The following PRKACA variants were observed in gnomAD, a reference collection of about 807,000 sequenced individuals.
PRKACA encodes the protein cAMP-dependent protein kinase catalytic subunit alpha.
In PRKACA, 9 loss-of-function variants were observed where a neutral mutation model predicts 45.8. That is an observed-to-expected ratio of 0.20 (90% CI 0.12 to 0.34). The LOEUF is 0.34. Among genes scored for constraint, PRKACA ranks in the 10% least tolerant of loss-of-function variants. The pLI, the probability that PRKACA is intolerant of heterozygous loss-of-function variation, is 1.00. For missense variants in PRKACA, 238 were observed against 458.6 expected, an observed-to-expected ratio of 0.52 and a Z score of 4.39; for synonymous variants, 160 against 178.6, an observed-to-expected ratio of 0.90 and a Z score of 0.83.
chr19:14,107,218 A>C, intron 2 of PRKACA, 130 bp downstream of exon 2: 1 of 1,016,180 alleles, frequency 9.8e-7, no homozygotes, highest in Non-Finnish European at 1.5e-6. Context: ...ATGGGCACCT[A>C]GGGAGCAAAT....
intron 8 of PRKACA, among the ~76,000 whole-genome samples, chr19:14,094,699 T>C (rs1226472249): frequency 6.6e-6 from 1 of 152,236 alleles, no homozygotes; most frequent in African/African-American, 2.4e-5. Context: ...AGAACTTGCA[T>C]TCTCAGCTGC....
At chr19:14,106,380 G>A (rs1017653079) in intron 3 of PRKACA, among the ~76,000 whole-genome samples, 3 of 151,822 alleles carry the variant, frequency 2.0e-5, no homozygotes, top group Non-Finnish European at 2.9e-5. Context: ...GCGGCCAGGC[G>A]CGGTGGCTCA....
intron 8 of PRKACA, 144 bp from the exon 9 acceptor site, chr19:14,093,936 G>A: frequency 1.2e-6 from 1 of 805,494 alleles, no homozygotes; most frequent in Non-Finnish European, 1.9e-6. Flanking sequence ...ACAGCTCCTT[G>A]AGCCTACCCT....
intron 1 of PRKACA, chr19:14,114,337 A>G: frequency 1.3e-6 from 1 of 746,604 alleles, no homozygotes; most frequent in Non-Finnish European, 2.2e-6. Context: ...AGGGACAGAT[A>G]GGGCCCTCCG....
At position 14,092,339 on chromosome 19, in the gene PRKACA, G is replaced by T; in HGVS notation, c.*773C>A. 2 of 304,598 alleles carry T rather than the reference G, an allele frequency of 6.6e-6. No homozygotes were observed. Among genetic ancestry groups the T allele is most frequent in the Non-Finnish European group, 1.2e-5 (2 of 165,938 alleles). The allele number at this position is 304,598 out of a possible 1,614,324, so 18.9% of individuals were successfully genotyped here. A position where few individuals can be genotyped will look rare whatever the true frequency, so the allele number is the denominator to read the frequency against. On this transcript the variant is annotated 3_prime_UTR_variant, in exon 10 of 10. Coordinates refer to ENST00000308677, the MANE Select transcript of PRKACA (RefSeq NM_002730.4). ...CAGGTCTGTTGGGGAAAAAGAGAGC[G>T]GAGGCTTCCTAAAGGGGCCTAGACC...
chr19:14,111,493 A>G (rs558864016), intron 1 of PRKACA, among the ~76,000 whole-genome samples: 1 of 152,278 alleles, frequency 6.6e-6, no homozygotes, highest in African/African-American at 2.4e-5. Flanking sequence ...GGGATAGGCA[A>G]TGAATGGCCA....
At chr19:14,106,315 T>A (rs1021569534) in intron 3 of PRKACA, among the ~76,000 whole-genome samples, 1 of 151,948 alleles carries the variant, frequency 6.6e-6, no homozygotes, top group Non-Finnish European at 1.5e-5. Flanking sequence ...ATCACGTCAC[T>A]GCACTTTCCT....
intron 5 of PRKACA, 29 bp downstream of exon 5, chr19:14,100,797 C>T: frequency 6.2e-7 from 1 of 1,609,214 alleles, no homozygotes; most frequent in Non-Finnish European, 8.5e-7. Context: ...ACCCTGACAG[C>T]CTGATGTGAT....
chr19:14,098,192 A>C (rs1337928886), intron 5 of PRKACA: 1 of 287,030 alleles, frequency 3.5e-6, no homozygotes, highest in African/African-American at 2.1e-5. Context: ...TATGTTAAGC[A>C]AAAGAAGACA....
intron 3 of PRKACA, 79 bp from the exon 4 acceptor site, chr19:14,102,993 G>GGA: frequency 1.7e-6 from 2 of 1,178,774 alleles, no homozygotes; most frequent in Non-Finnish European, 2.5e-6. Flanking sequence ...TGGAACTAGG[G>GGA]ATGCCGGAGC....
chr19:14,113,554 T>C (rs774320616), intron 1 of PRKACA, among the ~76,000 whole-genome samples: 2 of 152,038 alleles, frequency 1.3e-5, no homozygotes, highest in African/African-American at 4.8e-5. Flanking sequence ...GAATATCAAT[T>C]TGGGCAAGGG....
chr19:14,092,794 G>C lies in PRKACA; in HGVS notation c.*318C>G. 2.2e-6 allele frequency: 1 copy of C among 465,054 alleles called. No individual in the cohort carries two copies. The highest frequency in any genetic ancestry group is 3.8e-6 in the Non-Finnish European group (1 of 263,312). The allele number at this position is 465,054 out of a possible 1,614,324, so 28.8% of individuals were successfully genotyped here. A position where few individuals can be genotyped will look rare whatever the true frequency, so the allele number is the denominator to read the frequency against. On this transcript the variant is annotated 3_prime_UTR_variant, in exon 10 of 10. Coordinates refer to ENST00000308677, the MANE Select transcript of PRKACA (RefSeq NM_002730.4). The stretch of plus-strand genomic sequence containing the variant: ...TGGATACACCAGCAAGACCTGGTCT[G>C]ACTGGAGTTGAGAAACTCGTTTAAA...
chr19:14,105,477 G>A (rs564259138), intron 3 of PRKACA, among the ~76,000 whole-genome samples: 1 of 151,336 alleles, frequency 6.6e-6, no homozygotes, highest in South Asian at 2.1e-4. Flanking sequence ...CGCCACTGCA[G>A]TCCAGCCTGG....
chr19:14,097,751 G>A lies in PRKACA; in HGVS notation c.546+13C>T, dbSNP rs1225571111. The A allele has an allele frequency of 6.2e-7, 1 of 1,614,198 alleles. No individual in the cohort carries two copies. Among genetic ancestry groups the A allele is most frequent in the Non-Finnish European group, 8.5e-7 (1 of 1,180,018 alleles). On this transcript the variant is annotated intron_variant, in intron 6 of 9. Transcript: ENST00000308677. This position sits in a 1 kb window ranked among gnomAD's most constrained non-coding sequence, Gnocchi z 5.4. ...CTTCCCCAGGGCTGCCCCTCGCCCG[G>A]CCTGGTGGGCACCTGAATGTAGCCC... is the stretch of plus-strand genomic sequence containing the variant.
intron 8 of PRKACA, among the ~76,000 whole-genome samples, chr19:14,096,006 G>A (rs1217690254): frequency 2.1e-5 from 3 of 146,252 alleles, no homozygotes; most frequent in Admixed American, 2.0e-4. Flanking sequence ...ACACAGGGGT[G>A]CACCATCACG....
intron 8 of PRKACA, among the ~76,000 whole-genome samples, chr19:14,096,055 T>C (rs1457699696): frequency 6.7e-6 from 1 of 148,886 alleles, no homozygotes; most frequent in Non-Finnish European, 1.5e-5. Context: ...TTTTTTTTTT[T>C]TGAGACAGAG....
At chr19:14,094,681 T>C (rs184690659) in intron 8 of PRKACA, among the ~76,000 whole-genome samples, 2 of 152,348 alleles carry the variant, frequency 1.3e-5, no homozygotes, top group East Asian at 3.9e-4. Context: ...TCAGGTCTAC[T>C]GGACTCTAGA....
Position 14,092,748 on chromosome 19 carries a change from CCT to C in PRKACA, c.*362_*363del, listed in dbSNP as rs1464911941. On this transcript the variant is annotated 3_prime_UTR_variant, in exon 10 of 10. Coordinates refer to ENST00000308677, the MANE Select transcript of PRKACA (RefSeq NM_002730.4). ...TGGGGGCTGGAGTTAAGCGTGAGCC[CCT>C]CTTTCCATACCCTGTCCCTGGATAC... 1 of 410,426 alleles carries C rather than the reference CCT, an allele frequency of 2.4e-6. No homozygotes were observed. Among genetic ancestry groups the C allele is most frequent in the Non-Finnish European group, 4.3e-6 (1 of 231,778 alleles). The allele number at this position is 410,426 out of a possible 1,614,324, so 25.4% of individuals were successfully genotyped here. A position where few individuals can be genotyped will look rare whatever the true frequency, so the allele number is the denominator to read the frequency against.
At chr19:14,094,895 C>T (rs936423290) in intron 8 of PRKACA, among the ~76,000 whole-genome samples, 2 of 152,244 alleles carry the variant, frequency 1.3e-5, no homozygotes, top group African/African-American at 2.4e-5. Context: ...TGCAAGTCAT[C>T]ACTGGAGTTA....
Sources: gnomAD v4.1 joint callset for allele counts (sites outside exome capture counted in the v4.1 genomes callset) on GRCh38, gnomAD v4.1.1 for gene constraint, Gnocchi (gnomAD v3.1) non-coding constraint, MANE v1.5 for transcripts, NCBI Gene and HGNC (gene_info 2026-07-23, HGNC 2026-07-21) for gene names.